Variants in PCMTD1 observed in about 807,000 individuals in gnomAD.
PCMTD1 encodes the protein protein-L-isoaspartate O-methyltransferase domain-containing protein 1.
PCMTD1 carries 12 observed loss-of-function variants against 37.6 expected under a neutral mutation model. The observed-to-expected ratio is 0.32, with a 90% CI of 0.20 to 0.52. PCMTD1 has a LOEUF of 0.52. PCMTD1 is among the 20% of genes least tolerant of loss of function. PCMTD1 has a pLI of 0.97. For synonymous variants in PCMTD1, 117 were observed against 135.8 expected (o/e 0.86, Z 0.96); for missense variants, 235 against 421.3 (o/e 0.56, Z 3.87).
intron 5 of PCMTD1, among the ~76,000 whole-genome samples, chr8:51,830,060 C>A (rs2129275205): frequency 6.6e-6 from 1 of 152,260 alleles, no homozygotes; most frequent in African/African-American, 2.4e-5. Flanking sequence ...AGGTTCATCA[C>A]TCCCTCCTTG....
chr8:51,817,880 G>T lies in PCMTD1; in HGVS notation c.*2471C>A, dbSNP rs2037781416. On this transcript the variant is annotated 3_prime_UTR_variant, in exon 6 of 6. Transcript: ENST00000522514. ...TCTTAGGCCCTGTCTCTAACTCACT[G>T]TATGTTTCAGGCAAAACATGCCACG... 1 of 456,696 alleles carries T rather than the reference G, an allele frequency of 2.2e-6. No homozygotes were observed. Among genetic ancestry groups the T allele is most frequent in the Admixed American group, 2.3e-5 (1 of 42,576 alleles). The allele number at this position is 456,696 out of a possible 1,614,324, so 28.3% of individuals were successfully genotyped here.
At chr8:51,822,917 G>C (rs2129272694) in intron 5 of PCMTD1, among the ~76,000 whole-genome samples, 1 of 152,300 alleles carries the variant, frequency 6.6e-6, no homozygotes, top group Admixed American at 6.5e-5. Flanking sequence ...CTTGGCTCTT[G>C]AATTTTTCTG....
At chr8:51,884,387 G>T (rs1465857156) in intron 1 of PCMTD1, among the ~76,000 whole-genome samples, 1 of 152,160 alleles carries the variant, frequency 6.6e-6, no homozygotes, top group Non-Finnish European at 1.5e-5. Context: ...AGCAGGAATT[G>T]GCCTCTAAGT....
chr8:51,824,699 T>G (rs2129273285), intron 5 of PCMTD1, among the ~76,000 whole-genome samples: 1 of 152,302 alleles, frequency 6.6e-6, no homozygotes, highest in Middle Eastern at 3.4e-3. Flanking sequence ...AAAACTACTT[T>G]AAACTTCATA....
intron 5 of PCMTD1, among the ~76,000 whole-genome samples, chr8:51,821,793 G>A (rs2037852387): frequency 6.6e-6 from 1 of 151,168 alleles, no homozygotes; most frequent in African/African-American, 2.5e-5. Context: ...CTGGAGTGCA[G>A]TGGCGTGATC....
chr8:51,866,144 GA>G (rs559188949), intron 1 of PCMTD1, among the ~76,000 whole-genome samples: 3 of 150,914 alleles, frequency 2.0e-5, no homozygotes, highest in Non-Finnish European at 3.0e-5. Flanking sequence ...ATTAAATATT[GA>G]AAAAAAATGT....
chr8:51,862,888 C>T (rs577427110), intron 1 of PCMTD1, among the ~76,000 whole-genome samples: 5 of 152,318 alleles, frequency 3.3e-5, no homozygotes, highest in African/African-American at 1.2e-4. Flanking sequence ...TATATAAGTA[C>T]AAGGGCTTAC....
chr8:51,862,452 C>T lies in PCMTD1; in HGVS notation c.-95-1206G>A, dbSNP rs141180481. ...CAAATGTAAGTGCAATTTGAGAAAA[C>T]TAAAAAAATTTCAAAACATAATACT... On this transcript the variant is annotated intron_variant, in intron 1 of 5. Coordinates refer to ENST00000522514, the MANE Select transcript of PCMTD1 (RefSeq NM_052937.4). Among the ~76,000 whole-genome samples the T allele has an allele frequency of 4.2e-3, 633 of 152,114 alleles. 5 individuals carry two copies. The highest frequency in any genetic ancestry group is 0.014 in the African/African-American group (597 of 41,514).
intron 1 of PCMTD1, among the ~76,000 whole-genome samples, chr8:51,883,448 G>A (rs1284816718): frequency 6.6e-6 from 1 of 151,954 alleles, no homozygotes; most frequent in Non-Finnish European, 1.5e-5. Flanking sequence ...TAATAATAGA[G>A]GGACACACAC....
At chr8:51,858,006 A>C (rs904181919) in intron 2 of PCMTD1, among the ~76,000 whole-genome samples, 2 of 118,860 alleles carry the variant, frequency 1.7e-5, no homozygotes, top group African/African-American at 5.4e-5. Flanking sequence ...TAAATGAATA[A>C]ATTAATAATA....
At chr8:51,859,233 TCCC>T (rs981746473) in intron 2 of PCMTD1, among the ~76,000 whole-genome samples, 3 of 149,806 alleles carry the variant, frequency 2.0e-5, no homozygotes, top group African/African-American at 7.4e-5. Flanking sequence ...GGACAGCAAT[TCCC>T]CCCTCTTTTT....
chr8:51,868,344 T>C (rs995920468), intron 1 of PCMTD1, among the ~76,000 whole-genome samples: 1 of 152,092 alleles, frequency 6.6e-6, no homozygotes. Flanking sequence ...TGTCCAAAAG[T>C]AATGAATAAA....
At chr8:51,879,074 C>T (rs528457304) in intron 1 of PCMTD1, among the ~76,000 whole-genome samples, 3 of 151,864 alleles carry the variant, frequency 2.0e-5, no homozygotes, top group African/African-American at 4.8e-5. Flanking sequence ...TGCAGTGGGC[C>T]GTAGTCATGC....
chr8:51,874,641 A>C (rs1195142728), intron 1 of PCMTD1, among the ~76,000 whole-genome samples: 1 of 152,114 alleles, frequency 6.6e-6, no homozygotes, highest in Non-Finnish European at 1.5e-5. Flanking sequence ...TACCTTTATT[A>C]ACAGTGTATT....
chr8:51,896,767 CAAAG>C (rs961057249), intron 1 of PCMTD1, among the ~76,000 whole-genome samples: 31 of 150,882 alleles, frequency 2.1e-4, no homozygotes, highest in Admixed American at 1.1e-3. Flanking sequence ...AGGAACATTT[CAAAG>C]AAAGCAGAAA....
chr8:51,875,780 G>A (rs2038702713), intron 1 of PCMTD1, among the ~76,000 whole-genome samples: 1 of 152,026 alleles, frequency 6.6e-6, no homozygotes, highest in South Asian at 2.1e-4. Flanking sequence ...AAAAATTTAA[G>A]AATCAGCCAG....
At chr8:51,898,742 A>C (rs1447068329) in intron 1 of PCMTD1, among the ~76,000 whole-genome samples, 188 bp downstream of exon 1, 1 of 131,532 alleles carries the variant, frequency 7.6e-6, no homozygotes, top group Non-Finnish European at 1.7e-5. Context: ...CCTTCCCCCA[A>C]CCTGCCCCGC....
rs1403361014 is a variant in PCMTD1, at chr8:51,819,513, CT to C, written c.*837del. 2 of 152,288 alleles carry C rather than the reference CT, an allele frequency of 1.3e-5. No homozygotes were observed. Among genetic ancestry groups the C allele is most frequent in the Non-Finnish European group, 2.9e-5 (2 of 67,990 alleles). The allele number at this position is 152,288 out of a possible 1,614,324, so 9.4% of individuals were successfully genotyped here. On this transcript the variant is annotated 3_prime_UTR_variant, in exon 6 of 6. Coordinates refer to ENST00000522514, the MANE Select transcript of PCMTD1 (RefSeq NM_052937.4). ...AGAGTCACACATAACAATGGTTTTG[CT>C]TTTTTTAAAAAACCAAATACTTTAT...
chr8:51,843,891 T>C (rs1321258075), intron 3 of PCMTD1, among the ~76,000 whole-genome samples: 3 of 152,176 alleles, frequency 2.0e-5, no homozygotes, highest in East Asian at 3.9e-4. Context: ...GTGAAATCTA[T>C]TAATAACTAA....
Sources: allele counts gnomAD v4.1 joint callset (sites outside exome capture counted in the v4.1 genomes callset), GRCh38; gene constraint gnomAD v4.1.1; transcripts MANE v1.5; gene names NCBI Gene and HGNC (gene_info 2026-07-23, HGNC 2026-07-21).